Variants in XPR1 observed in about 807,000 individuals in gnomAD.
XPR1 encodes solute carrier family 53 member 1.
XPR1 carries 28 observed loss-of-function variants against 87.5 expected under a neutral mutation model. The observed-to-expected ratio is 0.32, with a 90% CI of 0.24 to 0.44. The LOEUF (loss-of-function observed/expected upper bound fraction) is 0.44, where lower values mean the gene tolerates loss of function less well. Among genes scored for constraint, XPR1 ranks in the 20% least tolerant of loss-of-function variants. The probability of loss-of-function intolerance (pLI) is 1.00; values close to 1 mark genes in which losing one functional copy is unlikely to be tolerated. For missense variants in XPR1, 559 were observed against 862.3 expected (o/e 0.65, Z 4.41); for synonymous variants, 300 against 306.1 (o/e 0.98, Z 0.21).
chr1:180,735,221 G>T (rs1476576325), intron 2 of XPR1, among the ~76,000 whole-genome samples: 6 of 152,162 alleles, frequency 3.9e-5, no homozygotes, highest in Non-Finnish European at 2.9e-5. Context: ...ACTTTAAATG[G>T]TTTTAAACAG....
At chr1:180,763,163 T>G (rs143857245) in intron 2 of XPR1, among the ~76,000 whole-genome samples, 7 of 152,314 alleles carry the variant, frequency 4.6e-5, no homozygotes, top group Middle Eastern at 3.4e-3. Flanking sequence ...ATATTTAGAT[T>G]AATGAAGAAT....
chr1:180,840,113 C>T (rs1407184815), intron 11 of XPR1, among the ~76,000 whole-genome samples: 7 of 151,164 alleles, frequency 4.6e-5, no homozygotes, highest in African/African-American at 1.5e-4. Context: ...GTCCCAGCTA[C>T]TCGGGAGGCT....
At chr1:180,784,646 A>AT (rs1244571388) in intron 2 of XPR1, among the ~76,000 whole-genome samples, 1 of 151,874 alleles carries the variant, frequency 6.6e-6, no homozygotes, top group Admixed American at 6.6e-5. Flanking sequence ...GAAATGTTCT[A>AT]TTTTTTATAG....
chr1:180,663,811 A>C (rs985381399), intron 1 of XPR1, among the ~76,000 whole-genome samples: 1 of 152,000 alleles, frequency 6.6e-6, no homozygotes, highest in Admixed American at 6.6e-5. Context: ...TTAGAAATCT[A>C]CCTGGTGCTC....
intron 3 of XPR1, among the ~76,000 whole-genome samples, chr1:180,788,593 T>C (rs1213679929): frequency 6.6e-6 from 1 of 152,154 alleles, no homozygotes; most frequent in Non-Finnish European, 1.5e-5. Flanking sequence ...CCGCCAGATA[T>C]ACAGCCTAAT....
At chr1:180,694,493 T>C (rs1338500884) in intron 2 of XPR1, among the ~76,000 whole-genome samples, 1 of 152,202 alleles carries the variant, frequency 6.6e-6, no homozygotes, top group Non-Finnish European at 1.5e-5. Context: ...ACCATTTATC[T>C]GCCTCTAGTG....
chr1:180,779,732 A>T (rs1371490495), intron 2 of XPR1, among the ~76,000 whole-genome samples: 1 of 151,994 alleles, frequency 6.6e-6, no homozygotes, highest in African/African-American at 2.4e-5. Context: ...GAGAGGGAAA[A>T]AAAGGAAGAT....
chr1:180,741,603 C>T (rs1353885712), intron 2 of XPR1, among the ~76,000 whole-genome samples: 2 of 152,054 alleles, frequency 1.3e-5, no homozygotes, highest in African/African-American at 4.8e-5. Context: ...CTCCTGCCCT[C>T]AGCCTCCTGA....
intron 11 of XPR1, among the ~76,000 whole-genome samples, chr1:180,851,746 G>T (rs545766606): frequency 6.6e-6 from 1 of 152,138 alleles, no homozygotes; most frequent in Admixed American, 6.6e-5. Context: ...CTGGGAAGGG[G>T]TATCTGATAC....
intron 2 of XPR1, among the ~76,000 whole-genome samples, chr1:180,762,208 A>T (rs1423494618): frequency 6.6e-6 from 1 of 152,004 alleles, no homozygotes; most frequent in East Asian, 1.9e-4. Context: ...CCAACATGGC[A>T]CATGTATACA....
At position 180,676,886 on chromosome 1, in the gene XPR1, A is replaced by G. The variant is rs535781545; in HGVS notation, c.70-5474A>G. Among the ~76,000 whole-genome samples, 5 of 152,314 alleles carry G rather than the reference A, an allele frequency of 3.3e-5. No individual in the cohort carries two copies. The South Asian group carries it at 6.2e-4, about 19-fold the overall frequency. ...TGTAATCTTAGAAAAGATGTGGTCC[A>G]TTAATAAAGGTTTTCCCATAAGGTT... On this transcript the variant is annotated intron_variant, in intron 1 of 14. Transcript: ENST00000367590.
chr1:180,726,877 TC>T (rs1178862989), intron 2 of XPR1, among the ~76,000 whole-genome samples: 5 of 150,660 alleles, frequency 3.3e-5, no homozygotes, highest in Non-Finnish European at 7.4e-5. Flanking sequence ...ATGTTTTCTT[TC>T]TTTTTTTTTT....
At position 180,883,965 on chromosome 1, in the gene XPR1, G is replaced by A. The variant is rs766224027; in HGVS notation, c.2031-41G>A. 5 of 1,576,636 alleles carry A rather than the reference G, an allele frequency of 3.2e-6. No individual in the cohort carries two copies. The South Asian group carries it at 3.3e-5, about 11-fold the overall frequency. ...ATACTGTGAAAGTGTTTATATTTGG[G>A]TAATGGACTAAGTGCTTTTTGTCCC... On this transcript the variant is annotated intron_variant, in intron 14 of 14. Transcript: ENST00000367590.
At chr1:180,819,137 A>G (rs1650518798) in intron 7 of XPR1, among the ~76,000 whole-genome samples, 1 of 151,980 alleles carries the variant, frequency 6.6e-6, no homozygotes, top group Non-Finnish European at 1.5e-5. Flanking sequence ...ACTTTTTTGT[A>G]GAGACAGAGT....
chr1:180,633,899 T>C lies in XPR1; in HGVS notation c.69+1629T>C, dbSNP rs561678175. Among the ~76,000 whole-genome samples the C allele has an allele frequency of 5.3e-5, 8 of 152,332 alleles. No individual in the cohort carries two copies. The South Asian group carries it at 8.3e-4, about 16-fold the overall frequency. ...TAGGAGCATGCTGAAGCACATCTTA[T>C]ATTTGTTATGTAGCATGGAATGCTT... On this transcript the variant is annotated intron_variant, in intron 1 of 14. Transcript: ENST00000367590.
chr1:180,796,727 G>A (rs778570562), intron 3 of XPR1, among the ~76,000 whole-genome samples: 3 of 152,172 alleles, frequency 2.0e-5, no homozygotes, highest in Non-Finnish European at 4.4e-5. Context: ...TCTGCAGACT[G>A]AAGATATTTA....
At chr1:180,879,887 T>C (rs888078196) in intron 13 of XPR1, among the ~76,000 whole-genome samples, 189 bp from the exon 14 acceptor site, 2 of 152,016 alleles carry the variant, frequency 1.3e-5, no homozygotes, top group Admixed American at 1.3e-4. Context: ...TTTTTCATAG[T>C]CTAGTCTTGT....
intron 2 of XPR1, among the ~76,000 whole-genome samples, chr1:180,776,257 A>G (rs1648712656): frequency 1.3e-5 from 2 of 152,156 alleles, no homozygotes; most frequent in African/African-American, 4.8e-5. Context: ...ACATTGCTGC[A>G]ACAAACTTTC....
chr1:180,818,553 G>A (rs1270035178), intron 7 of XPR1, among the ~76,000 whole-genome samples: 1 of 152,012 alleles, frequency 6.6e-6, no homozygotes, highest in Non-Finnish European at 1.5e-5. Flanking sequence ...AAAACATTGA[G>A]TATATTGCTT....
Sources: gnomAD v4.1 joint callset for allele counts (sites outside exome capture counted in the v4.1 genomes callset) on GRCh38, gnomAD v4.1.1 for gene constraint, MANE v1.5 for transcripts, NCBI Gene and HGNC (gene_info 2026-07-23, HGNC 2026-07-21) for gene names.